The following SLC2A9 variants were observed in gnomAD, a reference collection of about 807,000 sequenced individuals.
SLC2A9 encodes solute carrier family 2 member 9.
Under a neutral mutation model 50.6 loss-of-function variants are expected in SLC2A9, and 39 were observed. That is an observed-to-expected ratio of 0.77 (90% CI 0.60 to 1.01). SLC2A9 has a LOEUF of 1.01. SLC2A9 is among the 50% of genes least tolerant of loss of function. The pLI, the probability that SLC2A9 is intolerant of heterozygous loss-of-function variation, is 0.00. For synonymous variants in SLC2A9, 324 were observed against 276.9 expected, an observed-to-expected ratio of 1.17 and a Z score of -1.69; for missense variants, 686 against 677.6, an observed-to-expected ratio of 1.01 and a Z score of -0.14.
chr4:9,794,052 C>T (rs1720282665), intron 3 of SLC2A9, among the ~76,000 whole-genome samples: 1 of 152,122 alleles, frequency 6.6e-6, no homozygotes. Context: ...ATGAAACCAC[C>T]ATGCTTACAT....
At chr4:9,853,617 T>C (rs1730299818) in intron 10 of SLC2A9, among the ~76,000 whole-genome samples, 1 of 152,144 alleles carries the variant, frequency 6.6e-6, no homozygotes, top group Non-Finnish European at 1.5e-5. Flanking sequence ...AGCAAAGATA[T>C]TTGGGACCTG....
At chr4:10,016,878 C>T (rs1230640512) in intron 2 of SLC2A9, among the ~76,000 whole-genome samples, 1 of 152,104 alleles carries the variant, frequency 6.6e-6, no homozygotes, top group Non-Finnish European at 1.5e-5. Flanking sequence ...TACTCCTCAG[C>T]CTAAGATCTT....
chr4:9,923,687 A>T (rs1744357172), intron 6 of SLC2A9: 1 of 152,302 alleles, frequency 6.6e-6, no homozygotes, highest in Non-Finnish European at 1.5e-5. Context: ...CAGCTGAGAC[A>T]GAACGGACAG....
chr4:9,902,920 T>G (rs897145193), intron 8 of SLC2A9, among the ~76,000 whole-genome samples: 1 of 152,168 alleles, frequency 6.6e-6, no homozygotes, highest in African/African-American at 2.4e-5. Flanking sequence ...ATTTATTGAG[T>G]ATGTTCTCTA....
intron 6 of SLC2A9, among the ~76,000 whole-genome samples, chr4:9,924,374 C>A (rs1577913861): frequency 1.3e-5 from 2 of 152,226 alleles, no homozygotes; most frequent in Admixed American, 1.3e-4. Flanking sequence ...CCCCCAGGAG[C>A]AGCCCTCGGT....
At chr4:9,790,812 G>A (rs1455657847) in intron 3 of SLC2A9, among the ~76,000 whole-genome samples, 5 of 152,262 alleles carry the variant, frequency 3.3e-5, no homozygotes, top group South Asian at 2.1e-4. Context: ...AGCCACAATC[G>A]AAAAACACCA....
intron 10 of SLC2A9, among the ~76,000 whole-genome samples, chr4:9,858,627 G>T (rs904872364): frequency 6.6e-6 from 1 of 152,094 alleles, no homozygotes; most frequent in East Asian, 1.9e-4. Context: ...GAGTGTCCCC[G>T]GCAAACTACT....
intron 3 of SLC2A9, chr4:9,783,098 G>A (rs771520336): frequency 9.9e-6 from 16 of 1,614,172 alleles, no homozygotes; most frequent in East Asian, 4.5e-5. Context: ...ACTCAACCCC[G>A]TCATCTATGC....
At chr4:9,968,388 T>G (rs774960841) in intron 5 of SLC2A9, among the ~76,000 whole-genome samples, 1 of 152,182 alleles carries the variant, frequency 6.6e-6, no homozygotes. Context: ...GCTGGAATGT[T>G]GACTTTCTCC....
chr4:10,014,284 C>T (rs991501631), intron 2 of SLC2A9, among the ~76,000 whole-genome samples: 11 of 152,218 alleles, frequency 7.2e-5, no homozygotes, highest in Admixed American at 2.6e-4. Context: ...TTTCATTTCG[C>T]AGCGACCTCA....
intron 11 of SLC2A9, among the ~76,000 whole-genome samples, chr4:9,830,998 G>T (rs1401439): frequency 6.6e-6 from 1 of 151,990 alleles, no homozygotes; most frequent in East Asian, 1.9e-4. Context: ...GCATGCTCAG[G>T]GCCCTCCGCT....
chr4:9,924,444 T>A (rs2110111477), intron 6 of SLC2A9, among the ~76,000 whole-genome samples: 1 of 152,274 alleles, frequency 6.6e-6, no homozygotes, highest in South Asian at 2.1e-4. Flanking sequence ...CCTGAGTGAG[T>A]CCTACGCTGT....
chr4:9,778,097 CTTCCTTCCTTCT>C (rs1717821062), downstream of SLC2A9, among the ~76,000 whole-genome samples: 8 of 105,364 alleles, frequency 7.6e-5, no homozygotes, highest in East Asian at 2.3e-4. Flanking sequence ...TCCTTCCTTC[CTTCCTTCCTTCT>C]TTCCTTCTCC....
At chr4:9,817,805 T>C (rs763318145) in intron 3 of SLC2A9, among the ~76,000 whole-genome samples, 5 of 152,056 alleles carry the variant, frequency 3.3e-5, no homozygotes, top group Non-Finnish European at 5.9e-5. Flanking sequence ...AGCCCCCTAA[T>C]CTCTCTGGAA....
chr4:9,889,863 C>T (rs181658628), intron 9 of SLC2A9, among the ~76,000 whole-genome samples: 11 of 152,320 alleles, frequency 7.2e-5, no homozygotes, highest in East Asian at 1.9e-4. Context: ...GCCCAGGATC[C>T]GGGGATCTAA....
At chr4:9,892,244 G>A (rs1478834856) in intron 8 of SLC2A9, among the ~76,000 whole-genome samples, 2 of 152,348 alleles carry the variant, frequency 1.3e-5, no homozygotes, top group South Asian at 2.1e-4. Flanking sequence ...AGTGCTGCCT[G>A]GGGCCATGGA....
chr4:9,997,512 C>G (rs1166033750), intron 2 of SLC2A9, among the ~76,000 whole-genome samples: 11 of 152,088 alleles, frequency 7.2e-5, no homozygotes, highest in Admixed American at 7.2e-4. Context: ...TCAGTCTGGC[C>G]AAGATGGTGA....
At chr4:9,982,850 T>C (rs1456373236) in intron 4 of SLC2A9, among the ~76,000 whole-genome samples, 1 of 152,196 alleles carries the variant, frequency 6.6e-6, no homozygotes, top group Non-Finnish European at 1.5e-5. Context: ...ACGTAGAACA[T>C]CGTTTATTTT....
At chr4:9,932,697 C>T (rs1203862602) in intron 6 of SLC2A9, among the ~76,000 whole-genome samples, 1 of 152,240 alleles carries the variant, frequency 6.6e-6, no homozygotes, top group East Asian at 1.9e-4. Flanking sequence ...GTGCTGACAG[C>T]ATCCCACTAC....
Sources: gnomAD v4.1 joint callset for allele counts (sites outside exome capture counted in the v4.1 genomes callset) on GRCh38, gnomAD v4.1.1 for gene constraint, MANE v1.5 for transcripts, NCBI Gene and HGNC (gene_info 2026-07-23, HGNC 2026-07-21) for gene names.